Variants in GRM7 observed in about 807,000 individuals in gnomAD.
GRM7 encodes metabotropic glutamate receptor 7.
Under a neutral mutation model 84.5 loss-of-function variants are expected in GRM7, and 35 were observed. The ratio of observed to expected loss-of-function variants is 0.41; its 90% CI spans 0.32 to 0.55. The LOEUF is 0.55. Ranked by LOEUF, GRM7 falls within the 20% of genes least tolerant of loss-of-function variation. GRM7 has a pLI of 0.19. For missense variants in GRM7, 1,003 were observed against 1,194.6 expected (o/e 0.84, Z 2.36); for synonymous variants, 487 against 455.1 (o/e 1.07, Z -0.89).
At chr3:7,730,208 A>G (rs889406678) in intron 9 of GRM7, among the ~76,000 whole-genome samples, 2 of 151,560 alleles carry the variant, frequency 1.3e-5, no homozygotes, top group Non-Finnish European at 2.9e-5. Context: ...GGGTTTCACC[A>G]TGTTGGCCAG....
At chr3:7,381,139 T>C (rs575808736) in intron 4 of GRM7, among the ~76,000 whole-genome samples, 1 of 152,270 alleles carries the variant, frequency 6.6e-6, no homozygotes, top group South Asian at 2.1e-4. Flanking sequence ...ATCTACTTCC[T>C]TGACTTTATG....
chr3:7,740,281 G>T, intron 9 of GRM7, 76 bp from the exon 10 acceptor site: 1 of 969,254 alleles, frequency 1.0e-6, no homozygotes, highest in Non-Finnish European at 1.6e-6. Context: ...CACCTCAAGT[G>T]AAAAGTTCTA....
chr3:6,861,423 CTT>C lies in GRM7; in HGVS notation c.37_38del (p.Leu13AspfsTer79), dbSNP rs1559290144. 1.3e-6 allele frequency: 2 copies of C among 1,589,072 alleles called. No homozygotes were observed. Among genetic ancestry groups the C allele is most frequent in the Non-Finnish European group, 1.7e-6 (2 of 1,168,822 alleles). The stretch of plus-strand genomic sequence containing the variant: ...CTGAGGAAGCTGCTCCGCGTCCTGA[CTT>C]TGATGAAGTTCCCCTGCTGCGTGCT... On this transcript the variant is annotated frameshift_variant, in exon 1 of 10. Coordinates refer to ENST00000357716, the MANE Select transcript of GRM7 (RefSeq NM_000844.4). LOFTEE classifies it high-confidence loss of function. The surrounding 1 kb of genome is among the most constrained non-coding windows in gnomAD (Gnocchi z 6.4).
intron 2 of GRM7, among the ~76,000 whole-genome samples, chr3:7,267,297 G>C (rs1698678921): frequency 6.6e-6 from 1 of 152,170 alleles, no homozygotes; most frequent in Non-Finnish European, 1.5e-5. Flanking sequence ...GAAGATATGT[G>C]AACAAGGATC....
At chr3:7,575,280 A>C (rs1694905429) in intron 7 of GRM7, among the ~76,000 whole-genome samples, 2 of 152,206 alleles carry the variant, frequency 1.3e-5, no homozygotes, top group Admixed American at 1.3e-4. Context: ...TTATGGAGAA[A>C]TGTAAACTTG....
chr3:7,234,981 A>T (rs1032449541), intron 2 of GRM7, among the ~76,000 whole-genome samples: 2 of 152,170 alleles, frequency 1.3e-5, no homozygotes, highest in African/African-American at 4.8e-5. Flanking sequence ...GCCTGTACTG[A>T]AACTTAACTC....
At chr3:7,228,325 A>G (rs1575056916) in intron 2 of GRM7, among the ~76,000 whole-genome samples, 1 of 151,750 alleles carries the variant, frequency 6.6e-6, no homozygotes, top group South Asian at 2.1e-4. Context: ...GTTCATTGGT[A>G]GGAAGAAATA....
intron 8 of GRM7, 96 bp from the exon 9 acceptor site, chr3:7,679,953 T>C: frequency 4.4e-6 from 5 of 1,144,616 alleles, no homozygotes; most frequent in Non-Finnish European, 6.4e-6. Flanking sequence ...TTGCTTTATC[T>C]CCTAGCCATA....
intron 9 of GRM7, chr3:7,682,359 AAAAG>A (rs1342719601): frequency 2.0e-5 from 3 of 150,368 alleles, no homozygotes; most frequent in Non-Finnish European, 2.9e-5. Flanking sequence ...AAAAAAAAGA[AAAAG>A]AAAAAAAAGA....
chr3:7,133,942 G>A (rs901944041), intron 1 of GRM7, among the ~76,000 whole-genome samples: 11 of 152,132 alleles, frequency 7.2e-5, no homozygotes, highest in Admixed American at 1.3e-4. Context: ...TGAATGCTGT[G>A]GGAATATGGA....
At chr3:7,738,212 A>C (rs1269237426) in intron 9 of GRM7, among the ~76,000 whole-genome samples, 2 of 152,180 alleles carry the variant, frequency 1.3e-5, no homozygotes, top group African/African-American at 2.4e-5. Context: ...GTCACATTCA[A>C]GTAAGTGACA....
chr3:7,504,071 G>C (rs944571983), intron 7 of GRM7, among the ~76,000 whole-genome samples: 16 of 151,934 alleles, frequency 1.1e-4, no homozygotes, highest in African/African-American at 3.6e-4. Context: ...AAATTATCTT[G>C]GGTAACAAGC....
chr3:7,276,541 G>C (rs562079948), intron 2 of GRM7, among the ~76,000 whole-genome samples: 1 of 151,878 alleles, frequency 6.6e-6, no homozygotes, highest in African/African-American at 2.4e-5. Context: ...CATGCTTCAT[G>C]ATCTTAGATG....
chr3:7,226,943 A>T (rs1056852806), intron 2 of GRM7, among the ~76,000 whole-genome samples: 9 of 152,178 alleles, frequency 5.9e-5, no homozygotes, highest in African/African-American at 2.2e-4. Flanking sequence ...CCCATAAATA[A>T]ATGTCACTTA....
intron 4 of GRM7, among the ~76,000 whole-genome samples, chr3:7,346,577 A>G (rs986601233): frequency 7.9e-5 from 12 of 152,244 alleles, no homozygotes; most frequent in South Asian, 4.2e-4. Flanking sequence ...TATAACTGCA[A>G]TGGTGTGGGA....
At chr3:7,213,881 G>A (rs925865545) in intron 2 of GRM7, among the ~76,000 whole-genome samples, 7 of 152,124 alleles carry the variant, frequency 4.6e-5, no homozygotes, top group African/African-American at 1.7e-4. Context: ...GATCTGGGCA[G>A]CTCACTGCAG....
chr3:7,215,025 T>C (rs1696554551), intron 2 of GRM7, among the ~76,000 whole-genome samples: 1 of 152,224 alleles, frequency 6.6e-6, no homozygotes, highest in Non-Finnish European at 1.5e-5. Context: ...GATGAAATCA[T>C]ATACTTGTTA....
intron 2 of GRM7, among the ~76,000 whole-genome samples, chr3:7,285,996 G>A (rs1393533123): frequency 1.3e-5 from 2 of 152,110 alleles, no homozygotes; most frequent in African/African-American, 4.8e-5. Flanking sequence ...CTGGATGATT[G>A]TGTGCATTCC....
At chr3:6,960,503 A>G (rs1487752489) in intron 1 of GRM7, among the ~76,000 whole-genome samples, 1 of 152,070 alleles carries the variant, frequency 6.6e-6, no homozygotes, top group African/African-American at 2.4e-5. Flanking sequence ...TTCCCATTTT[A>G]CTCTGTAACC....
Sources: allele counts gnomAD v4.1 joint callset (sites outside exome capture counted in the v4.1 genomes callset), GRCh38; gene constraint gnomAD v4.1.1; non-coding constraint Gnocchi (gnomAD v3.1); transcripts MANE v1.5; gene names NCBI Gene and HGNC (gene_info 2026-07-23, HGNC 2026-07-21).